OR4D1: variants seen among roughly 807,000 people sequenced by gnomAD.
The protein encoded by OR4D1 is olfactory receptor 4D1.
In OR4D1, 10 loss-of-function variants were observed where a neutral mutation model predicts 14.2. The observed-to-expected ratio is 0.71, with a 90% CI of 0.44 to 1.20. The LOEUF (loss-of-function observed/expected upper bound fraction) is 1.20, where lower values mean the gene tolerates loss of function less well. OR4D1 is among the 50% of genes most tolerant of loss of function. The pLI, the probability that OR4D1 is intolerant of heterozygous loss-of-function variation, is 0.00. For missense variants in OR4D1, 345 were observed against 376.6 expected (o/e 0.92, Z 0.70); for synonymous variants, 141 against 147.4 (o/e 0.96, Z 0.32).
intron 2 of OR4D1, among the ~76,000 whole-genome samples, chr17:58,153,335 T>C (rs1049224297): frequency 9.2e-5 from 14 of 152,230 alleles, no homozygotes; most frequent in Non-Finnish European, 7.3e-5. Flanking sequence ...GGGTTCTCAG[T>C]TGCCTATGGG....
intron 2 of OR4D1, among the ~76,000 whole-genome samples, 136 bp from the exon 3 acceptor site, chr17:58,153,721 G>C (rs111333003): frequency 2.0e-5 from 3 of 152,316 alleles, no homozygotes; most frequent in African/African-American, 7.2e-5. Context: ...GAAAATACTT[G>C]TGGAAAGGTA....
In OR4D1 at chr17:58,155,228, A is replaced by G; in HGVS notation, c.75A>G (p.Lys25=). ...LGFSQTQELQ[K]FLFLLFLLVY... ...TTTCACAGACCCAAGAGCTCCAGAAATTCCTGTTCCTTCTGTTCCTGTTAG... is the reference window on the plus strand; with the variant it reads ...TTTCACAGACCCAAGAGCTCCAGAAGTTCCTGTTCCTTCTGTTCCTGTTAG... Residue 25 remains lysine, a synonymous_variant, in exon 4 of 4, where the codon AAA becomes AAG. Coordinates refer to ENST00000268912, the MANE Select transcript of OR4D1 (RefSeq NM_001386095.1). 1.9e-6 allele frequency: 3 copies of G among 1,614,118 alleles called. No individual in the cohort carries two copies. The highest frequency in any genetic ancestry group is 2.5e-6 in the Non-Finnish European group (3 of 1,179,998).
At chr17:58,154,128 T>A (rs771662453) in intron 3 of OR4D1, among the ~76,000 whole-genome samples, 165 bp downstream of exon 3, 3 of 152,136 alleles carry the variant, frequency 2.0e-5, no homozygotes, top group Non-Finnish European at 4.4e-5. Flanking sequence ...GGGTAATTTT[T>A]AAATTTTTTT....
intron 2 of OR4D1, among the ~76,000 whole-genome samples, chr17:58,153,601 T>C (rs1234912343): frequency 6.6e-6 from 1 of 152,200 alleles, no homozygotes; most frequent in Non-Finnish European, 1.5e-5. Flanking sequence ...TCAGTGTAAT[T>C]GCTGCTACCC....
chr17:58,156,081 G>C lies in OR4D1; in HGVS notation c.928G>C (p.Glu310Gln), dbSNP rs751027032. The change falls in exon 4 of 4, where the codon GAG becomes CAG. Residue 310 changes from glutamate (E) to glutamine (Q), a missense_variant. Physicochemically the swap from Glu to Gln is conservative, Grantham distance 29 (BLOSUM62 2). Coordinates refer to ENST00000268912, the MANE Select transcript of OR4D1 (RefSeq NM_001386095.1). ...AGGCAAGTGCCTAGTAATTTGCAGG[G>C]AGTAAACTTTAAGTAAGTTGACTTT... Reference protein sequence around the residue: ...RLGKCLVICRE With the variant: ...RLGKCLVICRQ 6.4e-7 allele frequency: 1 copy of C among 1,572,736 alleles called. No homozygotes were observed. Among genetic ancestry groups the C allele is most frequent in the Non-Finnish European group, 8.6e-7 (1 of 1,162,514 alleles).
Position 58,157,017 on chromosome 17 carries a change from G to T in OR4D1, c.*931G>T. 1.1e-6 allele frequency: 1 copy of T among 920,672 alleles called. No individual in the cohort carries two copies. The highest frequency in any genetic ancestry group is 1.7e-6 in the Non-Finnish European group (1 of 591,256). The allele number at this position is 920,672 out of a possible 1,614,324, so 57.0% of individuals were successfully genotyped here. A position where few individuals can be genotyped will look rare whatever the true frequency, so the allele number is the denominator to read the frequency against. ...TCGGGAGCTACGTAGGGCAGGGAAGGCATGGCTTCTGTTTTCGTCCAATGA... is the reference window on the plus strand; with the variant it reads ...TCGGGAGCTACGTAGGGCAGGGAAGTCATGGCTTCTGTTTTCGTCCAATGA... On this transcript the variant is annotated 3_prime_UTR_variant, in exon 4 of 4. Coordinates refer to ENST00000268912, the MANE Select transcript of OR4D1 (RefSeq NM_001386095.1).
Position 58,155,586 on chromosome 17 carries a change from G to A in OR4D1, c.433G>A (p.Val145Ile), listed in dbSNP as rs757364528. ...GAACACTCAATTGTGTGTGGGCCTG[G>A]TAGTAGCCGCCTGGGTGGGGGGCTT... ...IMNTQLCVGL[V>I]VAAWVGGFVH... is the part of the protein sequence containing the mutation. The change falls in exon 4 of 4, where the codon GTA (valine) becomes ATA (isoleucine). Residue 145 changes from valine to isoleucine, a missense_variant. Coordinates refer to ENST00000268912, the MANE Select transcript of OR4D1 (RefSeq NM_001386095.1). 27 of 1,614,002 alleles carry A rather than the reference G, an allele frequency of 1.7e-5. No individual in the cohort carries two copies. The highest frequency in any genetic ancestry group is 2.2e-5 in the Non-Finnish European group (26 of 1,180,034).
chr17:58,155,084 TG>T, intron 3 of OR4D1, 50 bp from the exon 4 acceptor site: 1 of 1,242,650 alleles, frequency 8.0e-7, no homozygotes, highest in East Asian at 2.3e-5. Flanking sequence ...GGAAAATGAT[TG>T]AATTTTCATT....
intron 2 of OR4D1, among the ~76,000 whole-genome samples, chr17:58,151,060 A>G (rs1567778684): frequency 1.3e-5 from 2 of 152,224 alleles, no homozygotes; most frequent in Non-Finnish European, 2.9e-5. Context: ...TCAACCAGAG[A>G]TAACCACTAT....
Position 58,155,524 on chromosome 17 carries a change from T to C in OR4D1, c.371T>C (p.Ile124Thr). Residue 124 changes from isoleucine (I) to threonine (T), a missense_variant, in exon 4 of 4, where the codon ATA becomes ACA. Transcript: ENST00000268912. ...FLSVMAYDRY[I>T]AISQPLRYVT... is the part of the protein sequence containing the mutation. The stretch of plus-strand genomic sequence containing the variant: ...TCAGTCATGGCCTATGACCGCTACA[T>C]AGCCATCTCCCAGCCCCTCCGGTAT... 1 of 1,614,186 alleles carries C rather than the reference T, an allele frequency of 6.2e-7. No individual in the cohort carries two copies. The highest frequency in any genetic ancestry group is 8.5e-7 in the Non-Finnish European group (1 of 1,180,018).
chr17:58,154,982 T>C (rs1335375325), intron 3 of OR4D1, among the ~76,000 whole-genome samples, 153 bp from the exon 4 acceptor site: 1 of 152,250 alleles, frequency 6.6e-6, no homozygotes, highest in Non-Finnish European at 1.5e-5. Context: ...TGAAAACATA[T>C]GGAACTTCCT....
At chr17:58,150,331 C>T (rs1039902641) in intron 2 of OR4D1, among the ~76,000 whole-genome samples, 1 of 152,146 alleles carries the variant, frequency 6.6e-6, no homozygotes, top group South Asian at 2.1e-4. Flanking sequence ...TATGTATGTA[C>T]TATGTTGCAC....
chr17:58,150,549 T>C (rs1410847070), intron 2 of OR4D1, among the ~76,000 whole-genome samples: 1 of 152,080 alleles, frequency 6.6e-6, no homozygotes, highest in East Asian at 1.9e-4. Flanking sequence ...GTATTTGGGT[T>C]TAGAGTAAAG....
Position 58,156,610 on chromosome 17 carries a change from T to G in OR4D1, c.*524T>G, listed in dbSNP as rs185050672. ...AAACCGACAGTAGATATATTATTAT[T>G]GTTGTTAAACAGTTTTACAAATGAG... On this transcript the variant is annotated 3_prime_UTR_variant, in exon 4 of 4. Transcript: ENST00000268912. 4.3e-4 allele frequency: 70 copies of G among 163,012 alleles called. No individual in the cohort carries two copies. Among genetic ancestry groups the G allele is most frequent in the Non-Finnish European group, 7.2e-4 (54 of 74,608 alleles). The allele number at this position is 163,012 out of a possible 1,614,324, so 10.1% of individuals were successfully genotyped here. A position where few individuals can be genotyped will look rare whatever the true frequency, so the allele number is the denominator to read the frequency against.
In OR4D1 at chr17:58,158,335, G is replaced by T. The variant is rs966930913; in HGVS notation, c.*2249G>T. 1 of 152,032 alleles carries T rather than the reference G, an allele frequency of 6.6e-6. No individual in the cohort carries two copies. Among genetic ancestry groups the T allele is most frequent in the Non-Finnish European group, 1.5e-5 (1 of 68,050 alleles). The allele number at this position is 152,032 out of a possible 1,614,324, so 9.4% of individuals were successfully genotyped here. On this transcript the variant is annotated 3_prime_UTR_variant, in exon 4 of 4. Coordinates refer to ENST00000268912, the MANE Select transcript of OR4D1 (RefSeq NM_001386095.1). Reference sequence around the variant, plus strand: ...GACATAATGCACATAGAAAGTATTAGATATGGAGAGGTTTTTCAAAGTGAA... The same window carrying T: ...GACATAATGCACATAGAAAGTATTATATATGGAGAGGTTTTTCAAAGTGAA...
chr17:58,155,898 A>G lies in OR4D1; in HGVS notation c.745A>G (p.Met249Val). ...TCTTHIIVVS[M>V]IFIPCIYIYT... ...CACCACCCACATCATCGTGGTGTCC[A>G]TGATCTTCATTCCCTGTATCTATAT... The change falls in exon 4 of 4, where the codon ATG becomes GTG. Residue 249 changes from methionine (M) to valine (V), a missense_variant. Physicochemically the swap from Met to Val is conservative, Grantham distance 21. Coordinates refer to ENST00000268912, the MANE Select transcript of OR4D1 (RefSeq NM_001386095.1). The G allele has an allele frequency of 6.2e-7, 1 of 1,614,168 alleles. No individual in the cohort carries two copies. Among genetic ancestry groups the G allele is most frequent in the Non-Finnish European group, 8.5e-7 (1 of 1,180,016 alleles).
At position 58,157,133 on chromosome 17, in the gene OR4D1, GC is replaced by G; in HGVS notation, c.*1050del. ...AGCGCCGCGTCAAGGTCTCCAGCCT[GC>G]CCTACAGTGTGGATGCGCTCGTGTC... is the stretch of plus-strand genomic sequence containing the variant. On this transcript the variant is annotated 3_prime_UTR_variant, in exon 4 of 4. Coordinates refer to ENST00000268912, the MANE Select transcript of OR4D1 (RefSeq NM_001386095.1). 6.8e-7 allele frequency: 1 copy of G among 1,479,098 alleles called. No individual in the cohort carries two copies. Among genetic ancestry groups the G allele is most frequent in the South Asian group, 1.3e-5 (1 of 79,338 alleles). 91.6% of individuals were successfully genotyped at this position (1,479,098 alleles called of 1,614,324 possible). A position where few individuals can be genotyped will look rare whatever the true frequency, so the allele number is the denominator to read the frequency against.
Position 58,155,772 on chromosome 17 carries a change from G to C in OR4D1, c.619G>C (p.Val207Leu), listed in dbSNP as rs1967762770. ...FLMISNSGLL[V>L]IIWFLLLLIS... ...CATGATCTCCAACAGTGGGCTGCTA[G>C]TTATCATCTGGTTCCTCCTCCTTCT... The change falls in exon 4 of 4, where the codon GTT becomes CTT. Residue 207 changes from valine to leucine, a missense_variant. Coordinates refer to ENST00000268912, the MANE Select transcript of OR4D1 (RefSeq NM_001386095.1). 2 of 1,614,066 alleles carry C rather than the reference G, an allele frequency of 1.2e-6. No individual in the cohort carries two copies. The highest frequency in any genetic ancestry group is 2.7e-5 in the African/African-American group (2 of 74,920).
chr17:58,149,257 G>C (rs1967668872), intron 1 of OR4D1, among the ~76,000 whole-genome samples, 172 bp from the exon 2 acceptor site: 2 of 152,158 alleles, frequency 1.3e-5, no homozygotes, highest in Non-Finnish European at 2.9e-5. Flanking sequence ...TGCATGTAGG[G>C]GGAGGAAGCA....
Sources: allele counts gnomAD v4.1 joint callset (sites outside exome capture counted in the v4.1 genomes callset), GRCh38; gene constraint gnomAD v4.1.1; transcripts MANE v1.5; gene names NCBI Gene and HGNC (gene_info 2026-07-23, HGNC 2026-07-21).